The following CWC27 variants were observed in gnomAD, a reference collection of about 807,000 sequenced individuals.
CWC27 encodes spliceosome-associated protein CWC27 homolog.
A neutral mutation model predicts 63.6 loss-of-function variants in CWC27; 47 were observed. The observed-to-expected ratio is 0.74, with a 90% CI of 0.58 to 0.94. CWC27 has a LOEUF of 0.94. CWC27 is among the 40% of genes least tolerant of loss of function. The pLI is 0.00. For missense variants in CWC27, 495 were observed against 554.3 expected (o/e 0.89, Z 1.07); for synonymous variants, 175 against 179.8 (o/e 0.97, Z 0.22).
At chr5:64,796,504 A>G (rs541653005) in intron 7 of CWC27, among the ~76,000 whole-genome samples, 1 of 152,290 alleles carries the variant, frequency 6.6e-6, no homozygotes, top group South Asian at 2.1e-4. Context: ...AAGGCCTTCA[A>G]CTGATTAGAT....
At chr5:64,897,091 T>C (rs1229359079) in intron 11 of CWC27, among the ~76,000 whole-genome samples, 1 of 152,008 alleles carries the variant, frequency 6.6e-6, no homozygotes, top group Admixed American at 6.6e-5. Context: ...TGTGCACCTG[T>C]AATCCTAGCT....
intron 10 of CWC27, among the ~76,000 whole-genome samples, chr5:64,856,986 AT>A (rs780402460): frequency 5.9e-5 from 9 of 152,210 alleles, no homozygotes; most frequent in Non-Finnish European, 7.4e-5. Flanking sequence ...GCAATAAAGA[AT>A]AGTAGTATTT....
At chr5:64,842,398 G>A (rs1362443822) in intron 10 of CWC27, among the ~76,000 whole-genome samples, 1 of 151,826 alleles carries the variant, frequency 6.6e-6, no homozygotes, top group Non-Finnish European at 1.5e-5. Context: ...CTGCCTCCTG[G>A]GTTCAAGCGA....
At chr5:64,979,957 T>A (rs978169193) in intron 13 of CWC27, among the ~76,000 whole-genome samples, 3 of 144,544 alleles carry the variant, frequency 2.1e-5, no homozygotes, top group Non-Finnish European at 3.0e-5. Context: ...AGCATTATAC[T>A]TTTTATGTAA....
chr5:64,885,531 G>A lies in CWC27; in HGVS notation c.1027G>A (p.Glu343Lys), dbSNP rs772316254. The change falls in exon 11 of 14, where the codon GAA (glutamate) becomes AAA (lysine). Residue 343 changes from glutamate to lysine, a missense_variant. This residue lies in a region of CWC27 where 463 missense variants were observed against 498.1 expected (regional missense o/e 0.93). Coordinates refer to ENST00000381070, the MANE Select transcript of CWC27 (RefSeq NM_005869.4). ...AGTAGAAAATGCAGCAAAACAAGCA[G>A]AAAAAAGAAGTGAAGGTAAGGGCAT... ...KKVENAAKQAEKRSEEEEAPP... is the reference protein window; with the variant it reads ...KKVENAAKQAKKRSEEEEAPP... 1 of 1,599,886 alleles carries A rather than the reference G, an allele frequency of 6.3e-7. No individual in the cohort carries two copies. Among genetic ancestry groups the A allele is most frequent in the Non-Finnish European group, 8.5e-7 (1 of 1,172,466 alleles).
chr5:64,952,963 A>G (rs1462161798), intron 11 of CWC27, among the ~76,000 whole-genome samples: 1 of 152,130 alleles, frequency 6.6e-6, no homozygotes, highest in East Asian at 1.9e-4. Flanking sequence ...TGTACTTTCC[A>G]TTCTACAAAA....
At chr5:64,782,765 G>A (rs1743746317) in intron 3 of CWC27, among the ~76,000 whole-genome samples, 1 of 152,126 alleles carries the variant, frequency 6.6e-6, no homozygotes, top group Non-Finnish European at 1.5e-5. Flanking sequence ...GAGTCATTGT[G>A]TGATTCTTGA....
At chr5:65,006,069 T>C (rs952231284) in intron 13 of CWC27, among the ~76,000 whole-genome samples, 1 of 150,874 alleles carries the variant, frequency 6.6e-6, no homozygotes, top group Non-Finnish European at 1.5e-5. Context: ...TTTGTGATTT[T>C]TGTGTTGCTT....
At chr5:64,799,892 A>T (rs980766991) in intron 7 of CWC27, among the ~76,000 whole-genome samples, 9 of 151,994 alleles carry the variant, frequency 5.9e-5, no homozygotes. Flanking sequence ...AATAGCATGC[A>T]TTTATTTCAA....
intron 10 of CWC27, among the ~76,000 whole-genome samples, chr5:64,874,708 T>A (rs1451069883): frequency 1.3e-5 from 2 of 152,062 alleles, no homozygotes; most frequent in African/African-American, 4.8e-5. Flanking sequence ...TGCTTATTGC[T>A]CTGGTTTTCA....
chr5:64,884,374 T>C (rs1307078643), intron 10 of CWC27: 1 of 151,874 alleles, frequency 6.6e-6, no homozygotes, highest in African/African-American at 2.4e-5. Flanking sequence ...GTGTCTGGTG[T>C]GGAAAAAAAG....
chr5:64,807,862 T>C, intron 10 of CWC27: 1 of 1,498,862 alleles, frequency 6.7e-7, no homozygotes, highest in Non-Finnish European at 8.9e-7. Context: ...GAGTAAAAAC[T>C]AACAAAACCA....
At chr5:64,881,383 C>A (rs1482488419) in intron 10 of CWC27, among the ~76,000 whole-genome samples, 1 of 152,048 alleles carries the variant, frequency 6.6e-6, no homozygotes, top group Admixed American at 6.6e-5. Context: ...TAGAAGCAAG[C>A]ATTGTGCATT....
intron 13 of CWC27, among the ~76,000 whole-genome samples, chr5:65,001,499 C>T (rs893944581): frequency 3.4e-4 from 52 of 152,026 alleles, no homozygotes; most frequent in African/African-American, 1.3e-3. Flanking sequence ...TCCTTCCGTG[C>T]CTAATTTTTT....
intron 11 of CWC27, among the ~76,000 whole-genome samples, chr5:64,959,962 G>T (rs1217938445): frequency 1.3e-5 from 2 of 152,152 alleles, no homozygotes; most frequent in African/African-American, 2.4e-5. Flanking sequence ...GTGTTTTGAA[G>T]GTTCAAATGA....
intron 11 of CWC27, among the ~76,000 whole-genome samples, chr5:64,900,636 C>T (rs922344905): frequency 6.6e-6 from 1 of 151,716 alleles, no homozygotes. Flanking sequence ...CTGACTCAAA[C>T]TCAAAAAGAT....
intron 11 of CWC27, among the ~76,000 whole-genome samples, chr5:64,899,865 A>C (rs149084692): frequency 6.6e-6 from 1 of 152,318 alleles, no homozygotes; most frequent in East Asian, 1.9e-4. Context: ...GTCTTCTATC[A>C]CTATAAAATA....
chr5:64,833,503 A>T (rs1034735236), intron 10 of CWC27, among the ~76,000 whole-genome samples: 1 of 151,854 alleles, frequency 6.6e-6, no homozygotes, highest in East Asian at 1.9e-4. Flanking sequence ...TTGGTGTGGT[A>T]TAAAGAGGTT....
chr5:64,774,048 A>T (rs1453996801), intron 1 of CWC27, among the ~76,000 whole-genome samples: 1 of 152,228 alleles, frequency 6.6e-6, no homozygotes, highest in Non-Finnish European at 1.5e-5. Context: ...TAATGTCACA[A>T]TTTAATGGGT....
Sources: allele counts gnomAD v4.1 joint callset (sites outside exome capture counted in the v4.1 genomes callset), GRCh38; gene constraint gnomAD v4.1.1; regional missense constraint gnomAD v4.1.1; transcripts MANE v1.5; gene names NCBI Gene and HGNC (gene_info 2026-07-23, HGNC 2026-07-21).